Variants in FAF1 observed in about 807,000 individuals in gnomAD.
FAF1 encodes FAS-associated factor 1.
FAF1 carries 25 observed loss-of-function variants against 92.5 expected under a neutral mutation model. That is an observed-to-expected ratio of 0.27 (90% CI 0.20 to 0.38). The LOEUF (loss-of-function observed/expected upper bound fraction) is 0.38, where lower values mean the gene tolerates loss of function less well. Ranked by LOEUF, FAF1 falls within the 10% of genes least tolerant of loss-of-function variation. FAF1 has a pLI of 1.00. For missense variants in FAF1, 636 were observed against 793.3 expected (o/e 0.80, Z 2.38); for synonymous variants, 234 against 273.2 (o/e 0.86, Z 1.42).
intron 6 of FAF1, among the ~76,000 whole-genome samples, chr1:50,737,342 T>C (rs1246134920): frequency 6.6e-6 from 1 of 152,172 alleles, no homozygotes; most frequent in Non-Finnish European, 1.5e-5. Context: ...ATAAATCCAT[T>C]TAATCACGCT....
intron 4 of FAF1, among the ~76,000 whole-genome samples, chr1:50,745,514 G>A (rs917720183): frequency 6.6e-6 from 1 of 152,046 alleles, no homozygotes; most frequent in Non-Finnish European, 1.5e-5. Flanking sequence ...TGGATCATAG[G>A]GGGCTGATTT....
chr1:50,459,571 G>A (rs910719951), intron 18 of FAF1, among the ~76,000 whole-genome samples: 6 of 152,014 alleles, frequency 3.9e-5, no homozygotes, highest in African/African-American at 7.3e-5. Context: ...CTATCCTCCC[G>A]CAACCTTGAC....
intron 4 of FAF1, among the ~76,000 whole-genome samples, chr1:50,779,094 G>A (rs550028199): frequency 3.3e-5 from 5 of 152,228 alleles, no homozygotes. Context: ...TACATCTCAA[G>A]AAACCATTTT....
At chr1:50,932,427 G>A (rs913312982) in intron 1 of FAF1, among the ~76,000 whole-genome samples, 1 of 152,218 alleles carries the variant, frequency 6.6e-6, no homozygotes, top group Non-Finnish European at 1.5e-5. Flanking sequence ...GCCCATTCAA[G>A]TGTGAAATCC....
intron 7 of FAF1, among the ~76,000 whole-genome samples, chr1:50,678,576 T>G (rs1432231991): frequency 6.6e-6 from 1 of 151,144 alleles, no homozygotes. Flanking sequence ...GGTCAGGAGA[T>G]AGAGACCATC....
rs1241060065 is a variant in FAF1, at chr1:50,439,648, G to A, written c.*1792C>T. 1 of 152,116 alleles carries A rather than the reference G, an allele frequency of 6.6e-6. No individual in the cohort carries two copies. The highest frequency in any genetic ancestry group is 1.5e-5 in the Non-Finnish European group (1 of 68,026). The allele number at this position is 152,116 out of a possible 1,614,324, so 9.4% of individuals were successfully genotyped here. A position where few individuals can be genotyped will look rare whatever the true frequency, so the allele number is the denominator to read the frequency against. On this transcript the variant is annotated 3_prime_UTR_variant, in exon 19 of 19. Transcript: ENST00000396153. ...GCTGCTGTTCCTGAGTATGACCTGA[G>A]TTCAGGGCTGCAGCTTCTTCACAGC...
At chr1:50,799,973 G>C (rs1447861928) in intron 3 of FAF1, among the ~76,000 whole-genome samples, 1 of 152,054 alleles carries the variant, frequency 6.6e-6, no homozygotes, top group Non-Finnish European at 1.5e-5. Context: ...AAAGAACAAG[G>C]TTAGGAAGGA....
At chr1:50,905,569 T>C (rs550121131) in intron 1 of FAF1, among the ~76,000 whole-genome samples, 12 of 152,286 alleles carry the variant, frequency 7.9e-5, no homozygotes, top group Non-Finnish European at 1.3e-4. Context: ...TTTTTAATGA[T>C]CACCATTGTA....
intron 8 of FAF1, among the ~76,000 whole-genome samples, chr1:50,651,099 T>C (rs1265892326): frequency 6.6e-6 from 1 of 152,216 alleles, no homozygotes; most frequent in African/African-American, 2.4e-5. Context: ...ATTAGGTTCA[T>C]AAGAGACTCA....
At chr1:50,754,988 G>A (rs576526093) in intron 4 of FAF1, among the ~76,000 whole-genome samples, 36 of 152,188 alleles carry the variant, frequency 2.4e-4, no homozygotes, top group African/African-American at 7.9e-4. Flanking sequence ...CCCACAACAC[G>A]TGGGAATTCA....
intron 8 of FAF1, among the ~76,000 whole-genome samples, chr1:50,638,581 T>C (rs1654174119): frequency 6.6e-6 from 1 of 151,854 alleles, no homozygotes; most frequent in African/African-American, 2.4e-5. Context: ...GTAGCTGAGA[T>C]TACAGACGCC....
intron 8 of FAF1, among the ~76,000 whole-genome samples, chr1:50,634,354 T>C (rs1653919234): frequency 6.6e-6 from 1 of 152,170 alleles, no homozygotes; most frequent in Admixed American, 6.5e-5. Flanking sequence ...AACCCAAGGG[T>C]CTAAAAGTAC....
intron 17 of FAF1, among the ~76,000 whole-genome samples, chr1:50,486,389 C>T (rs1312916029): frequency 1.3e-5 from 2 of 152,128 alleles, no homozygotes; most frequent in African/African-American, 2.4e-5. Context: ...AGCCCTGTGC[C>T]GTTCCCCTTT....
chr1:50,716,100 A>C (rs1658157578), intron 6 of FAF1, among the ~76,000 whole-genome samples: 1 of 152,332 alleles, frequency 6.6e-6, no homozygotes, highest in Non-Finnish European at 1.5e-5. Context: ...AGGTGAACTT[A>C]AGGTTGAATT....
intron 17 of FAF1, among the ~76,000 whole-genome samples, chr1:50,482,199 C>T (rs1646712351): frequency 6.6e-6 from 1 of 152,020 alleles, no homozygotes; most frequent in Non-Finnish European, 1.5e-5. Flanking sequence ...TTGTGTTTTC[C>T]AGAATGTTAT....
intron 4 of FAF1, among the ~76,000 whole-genome samples, chr1:50,785,090 G>C (rs1021237946): frequency 2.2e-5 from 3 of 136,794 alleles, no homozygotes; most frequent in African/African-American, 8.5e-5. Context: ...CAAAGACCTT[G>C]CTACTGTCCT....
intron 18 of FAF1, among the ~76,000 whole-genome samples, chr1:50,457,724 C>CAA (rs35479561): frequency 0.13 from 7,041 of 56,198 alleles, 753 homozygotes; most frequent in Non-Finnish European, 0.16. Context: ...CCCATCTCTG[C>CAA]AAAAAAAAAA....
chr1:50,491,713 A>C lies in FAF1; in HGVS notation c.1575+8T>G, dbSNP rs59743675. 3,568 of 1,599,036 alleles carry C rather than the reference A, an allele frequency of 2.2e-3. 55 individuals are homozygous for C. In the African/African-American group the frequency reaches 0.038, roughly 17 times the overall value. On this transcript the variant is annotated splice_region_variant and intron_variant, in intron 16 of 18. Coordinates refer to ENST00000396153, the MANE Select transcript of FAF1 (RefSeq NM_007051.3). ...TTCTTTATCCCAGAAGTACTTGACC[A>C]AGCCTACCTTTGCTCTGTCAGCCTC... is the stretch of plus-strand genomic sequence containing the variant.
At chr1:50,449,148 A>C (rs1646263511) in intron 18 of FAF1, among the ~76,000 whole-genome samples, 1 of 152,210 alleles carries the variant, frequency 6.6e-6, no homozygotes, top group Non-Finnish European at 1.5e-5. Context: ...GAATGCATAC[A>C]TAATAGTATT....
Sources: allele counts gnomAD v4.1 joint callset (sites outside exome capture counted in the v4.1 genomes callset), GRCh38; gene constraint gnomAD v4.1.1; transcripts MANE v1.5; gene names NCBI Gene and HGNC (gene_info 2026-07-23, HGNC 2026-07-21).